The following STK32B variants were observed in gnomAD, a reference collection of about 807,000 sequenced individuals.
STK32B encodes the protein serine/threonine kinase 32B.
A neutral mutation model predicts 52.6 loss-of-function variants in STK32B; 43 were observed. That is an observed-to-expected ratio of 0.82 (90% CI 0.64 to 1.05). The LOEUF (loss-of-function observed/expected upper bound fraction) is 1.05, where lower values mean the gene tolerates loss of function less well. Ranked by LOEUF, STK32B falls within the 50% of genes least tolerant of loss-of-function variation. The probability of loss-of-function intolerance (pLI) is 0.00; values close to 1 mark genes in which losing one functional copy is unlikely to be tolerated. For synonymous variants in STK32B, 238 were observed against 204.3 expected, an observed-to-expected ratio of 1.17 and a Z score of -1.41; for missense variants, 621 against 534.6, an observed-to-expected ratio of 1.16 and a Z score of -1.59.
intron 3 of STK32B, among the ~76,000 whole-genome samples, chr4:5,309,383 A>C (rs944498667): frequency 6.6e-6 from 1 of 152,182 alleles, no homozygotes; most frequent in Non-Finnish European, 1.5e-5. Flanking sequence ...TAGAAAAAAA[A>C]AATCCTGAAA....
At chr4:5,445,382 G>A (rs1258078088) in intron 6 of STK32B, among the ~76,000 whole-genome samples, 1 of 152,182 alleles carries the variant, frequency 6.6e-6, no homozygotes, top group Non-Finnish European at 1.5e-5. Flanking sequence ...GCAGATTTCG[G>A]CTGCTCTGAC....
intron 11 of STK32B, among the ~76,000 whole-genome samples, chr4:5,482,877 G>T (rs1282930532): frequency 6.6e-6 from 1 of 152,094 alleles, no homozygotes; most frequent in Admixed American, 6.5e-5. Context: ...CTGTTTATAT[G>T]CTGGATTACA....
intron 2 of STK32B, chr4:5,140,413 C>G (rs972873801): frequency 1.2e-6 from 1 of 807,218 alleles, no homozygotes; most frequent in South Asian, 2.5e-5. Flanking sequence ...CCCAGTCAAG[C>G]TCCAGTCTGT....
At chr4:5,431,322 A>G (rs141514190) in intron 6 of STK32B, among the ~76,000 whole-genome samples, 18 of 152,322 alleles carry the variant, frequency 1.2e-4, no homozygotes, top group African/African-American at 3.6e-4. Context: ...AATAACATTA[A>G]TTGCCTTGGA....
intron 3 of STK32B, 32 bp downstream of exon 3, chr4:5,168,482 G>C: frequency 6.3e-7 from 1 of 1,593,442 alleles, no homozygotes; most frequent in African/African-American, 1.3e-5. Flanking sequence ...GCTCCTGTGG[G>C]TTCCCCTGTG....
rs200953192 is a variant in STK32B at position 5,304,423 on chromosome 4, G to GTT, written c.261-26784_261-26783dup. Among the ~76,000 whole-genome samples the GTT allele has an allele frequency of 5.3e-3, 725 of 137,386 alleles. 9 individuals are homozygous for GTT. The highest frequency in any genetic ancestry group is 0.017 in the African/African-American group (657 of 39,128). The allele number at this position is 137,386 out of a possible 152,430, so 90.1% of individuals were successfully genotyped here. On this transcript the variant is annotated intron_variant, in intron 3 of 11. Coordinates refer to ENST00000282908, the MANE Select transcript of STK32B (RefSeq NM_018401.3). ...TAGGTACAGTTCTAAGTATTTTATG[G>GTT]TTTTTTTTTTTTTTGCAGCTATTAT...
chr4:5,189,088 C>T (rs1414307992), intron 3 of STK32B, among the ~76,000 whole-genome samples: 1 of 152,050 alleles, frequency 6.6e-6, no homozygotes, highest in East Asian at 1.9e-4. Flanking sequence ...ACCTGCTGCC[C>T]CCACCCATGC....
At chr4:5,124,113 C>T (rs1715219689) in intron 1 of STK32B, among the ~76,000 whole-genome samples, 1 of 152,158 alleles carries the variant, frequency 6.6e-6, no homozygotes, top group Non-Finnish European at 1.5e-5. Context: ...GCCAAAATGT[C>T]AGCATCCTCC....
At chr4:5,093,725 C>G (rs1257291518) in intron 1 of STK32B, among the ~76,000 whole-genome samples, 1 of 152,050 alleles carries the variant, frequency 6.6e-6, no homozygotes, top group South Asian at 2.1e-4. Context: ...AAAAAAATGC[C>G]ATGTGATGCT....
chr4:5,074,188 A>ATATATGTGTGTGTG (rs375845988), intron 1 of STK32B, among the ~76,000 whole-genome samples: 2 of 148,800 alleles, frequency 1.3e-5, no homozygotes, highest in Non-Finnish European at 3.0e-5. Context: ...AAATATATAT[A>ATATATGTGTGTGTG]TGTGTGTGTG....
At chr4:5,235,251 C>T (rs1388785249) in intron 3 of STK32B, among the ~76,000 whole-genome samples, 1 of 152,194 alleles carries the variant, frequency 6.6e-6, no homozygotes, top group Non-Finnish European at 1.5e-5. Context: ...GTGTACACTG[C>T]ACATGTGTGC....
At chr4:5,163,654 A>G (rs951882841) in intron 2 of STK32B, among the ~76,000 whole-genome samples, 1 of 151,936 alleles carries the variant, frequency 6.6e-6, no homozygotes, top group African/African-American at 2.4e-5. Flanking sequence ...CATTTTCTGA[A>G]GGCAAAAGAA....
the STK32B span, among the ~76,000 whole-genome samples, chr4:5,032,156 T>A: frequency 2.4e-3 from 358 of 148,040 alleles, 1 homozygote; most frequent in Admixed American, 5.4e-3. Flanking sequence ...CAGTTATGAC[T>A]CCTGAGCTCC....
intron 5 of STK32B, among the ~76,000 whole-genome samples, chr4:5,413,087 C>A (rs1227045596): frequency 6.6e-6 from 1 of 152,108 alleles, no homozygotes; most frequent in Non-Finnish European, 1.5e-5. Flanking sequence ...AGCTTGCTTT[C>A]CTCTTCTTCA....
chr4:5,200,933 A>T (rs977990702), intron 3 of STK32B, among the ~76,000 whole-genome samples: 1 of 152,194 alleles, frequency 6.6e-6, no homozygotes, highest in African/African-American at 2.4e-5. Context: ...CCTTGAAGCC[A>T]CTGAGCCCCT....
chr4:5,489,192 G>C (rs963480260), intron 11 of STK32B, among the ~76,000 whole-genome samples: 15 of 152,174 alleles, frequency 9.9e-5, no homozygotes, highest in Non-Finnish European at 2.1e-4. Flanking sequence ...ATAGACATTT[G>C]TCCAATTTAC....
rs142578775 is a variant in STK32B at position 5,205,311 on chromosome 4, G to A, written c.260+36861G>A. Among the ~76,000 whole-genome samples the A allele has an allele frequency of 3.0e-4, 45 of 152,294 alleles. 2 individuals carry two copies. In the East Asian group the frequency reaches 6.8e-3, roughly 23 times the overall value. The stretch of plus-strand genomic sequence containing the variant: ...TTGCAGATGACAATGGTGGGACTAT[G>A]GAGGCAGTACAATCTCCATAATCCT... On this transcript the variant is annotated intron_variant, in intron 3 of 11. Transcript: ENST00000282908.
At chr4:5,068,565 A>G (rs1711559395) in intron 1 of STK32B, among the ~76,000 whole-genome samples, 1 of 152,040 alleles carries the variant, frequency 6.6e-6, no homozygotes. Context: ...GCTTGGTCTC[A>G]CTTCTTTCTG....
intron 2 of STK32B, among the ~76,000 whole-genome samples, chr4:5,145,781 A>G (rs1716864353): frequency 6.6e-6 from 1 of 152,120 alleles, no homozygotes; most frequent in Admixed American, 6.5e-5. Context: ...TTTCAACCAG[A>G]CTGGTTTACC....
Sources: gnomAD v4.1 joint callset for allele counts (sites outside exome capture counted in the v4.1 genomes callset) on GRCh38, gnomAD v4.1.1 for gene constraint, MANE v1.5 for transcripts, NCBI Gene and HGNC (gene_info 2026-07-23, HGNC 2026-07-21) for gene names.